The following CYP2C18 variants were observed in gnomAD, a reference collection of about 807,000 sequenced individuals.
CYP2C18 encodes the protein cytochrome P450 family 2 subfamily C member 18.
CYP2C18 carries 38 observed loss-of-function variants against 41.3 expected under a neutral mutation model. The ratio of observed to expected loss-of-function variants is 0.92; its 90% CI spans 0.71 to 1.21. The LOEUF (loss-of-function observed/expected upper bound fraction) is 1.21, where lower values mean the gene tolerates loss of function less well. CYP2C18 is among the 50% of genes most tolerant of loss of function. The probability of loss-of-function intolerance (pLI) is 0.00; values close to 1 mark genes in which losing one functional copy is unlikely to be tolerated. For missense variants in CYP2C18, 635 were observed against 591.4 expected, an observed-to-expected ratio of 1.07 and a Z score of -0.77; for synonymous variants, 236 against 210.0, an observed-to-expected ratio of 1.12 and a Z score of -1.07.
chr10:94,712,982 C>A (rs1847466171), intron 5 of CYP2C18, among the ~76,000 whole-genome samples: 1 of 151,898 alleles, frequency 6.6e-6, no homozygotes. Flanking sequence ...ATTTGTATGT[C>A]TTCTTTTTAG....
At chr10:94,708,268 C>T (rs1847377307) in intron 5 of CYP2C18, among the ~76,000 whole-genome samples, 1 of 152,118 alleles carries the variant, frequency 6.6e-6, no homozygotes, top group African/African-American at 2.4e-5. Context: ...AGGGAAGAAA[C>T]AAATTATTTG....
intron 3 of CYP2C18, among the ~76,000 whole-genome samples, chr10:94,693,177 T>C (rs1356664796): frequency 6.6e-6 from 1 of 151,920 alleles, no homozygotes; most frequent in East Asian, 1.9e-4. Flanking sequence ...AAAAGTGTAA[T>C]CCCCCATATT....
At chr10:94,719,254 T>A (rs1369821851) in intron 5 of CYP2C18, among the ~76,000 whole-genome samples, 1 of 151,926 alleles carries the variant, frequency 6.6e-6, no homozygotes, top group Non-Finnish European at 1.5e-5. Context: ...AGAAAAAAAA[T>A]TAACATGGCT....
chr10:94,724,800 G>A (rs1268600281), intron 7 of CYP2C18, among the ~76,000 whole-genome samples: 1 of 151,412 alleles, frequency 6.6e-6, no homozygotes, highest in African/African-American at 2.4e-5. Context: ...ACATTTCCAA[G>A]TAAGTGTTGA....
chr10:94,717,482 T>G (rs1052352123), intron 5 of CYP2C18, among the ~76,000 whole-genome samples: 1 of 152,210 alleles, frequency 6.6e-6, no homozygotes, highest in African/African-American at 2.4e-5. Context: ...TTGAAAATTC[T>G]TTTCTTTAAG....
At chr10:94,697,910 C>A (rs1847151704) in intron 4 of CYP2C18, among the ~76,000 whole-genome samples, 1 of 152,172 alleles carries the variant, frequency 6.6e-6, no homozygotes, top group Non-Finnish European at 1.5e-5. Context: ...GTAAAGGGAT[C>A]AATTCAACAA....
At chr10:94,732,484 A>G (rs888930692) in intron 7 of CYP2C18, among the ~76,000 whole-genome samples, 1 of 152,208 alleles carries the variant, frequency 6.6e-6, no homozygotes, top group Non-Finnish European at 1.5e-5. Flanking sequence ...TATTTCCAAA[A>G]GAAAATAAAT....
intron 1 of CYP2C18, among the ~76,000 whole-genome samples, chr10:94,686,547 G>A (rs1354345981): frequency 6.6e-6 from 1 of 152,050 alleles, no homozygotes; most frequent in Non-Finnish European, 1.5e-5. Context: ...GTTAGCTGTG[G>A]GCTTGCCACA....
intron 6 of CYP2C18, among the ~76,000 whole-genome samples, chr10:94,722,614 C>T (rs539992133): frequency 6.6e-6 from 1 of 151,948 alleles, no homozygotes; most frequent in Admixed American, 6.6e-5. Flanking sequence ...GAACCAAGAC[C>T]CAAAGAACAT....
At chr10:94,697,711 T>C (rs1255008929) in intron 4 of CYP2C18, among the ~76,000 whole-genome samples, 2 of 152,154 alleles carry the variant, frequency 1.3e-5, no homozygotes, top group African/African-American at 2.4e-5. Context: ...TCAAGATCCA[T>C]CAGTGTGCTG....
At chr10:94,700,001 T>C (rs1400643957) in intron 4 of CYP2C18, among the ~76,000 whole-genome samples, 1 of 152,180 alleles carries the variant, frequency 6.6e-6, no homozygotes, top group Non-Finnish European at 1.5e-5. Context: ...TGGAGGAACA[T>C]TTCTTGCTCA....
chr10:94,696,709 G>C (rs1847123901), intron 4 of CYP2C18, among the ~76,000 whole-genome samples: 1 of 151,984 alleles, frequency 6.6e-6, no homozygotes, highest in South Asian at 2.1e-4. Context: ...TCAAACCCAT[G>C]GCAAAGAAGT....
At position 94,724,463 on chromosome 10, in the gene CYP2C18, A is replaced by G. The variant is rs529793231; in HGVS notation, c.1079A>G (p.Asp360Gly). 6.2e-7 allele frequency: 1 copy of G among 1,613,342 alleles called. No homozygotes were observed. The highest frequency in any genetic ancestry group is 2.2e-5 in the East Asian group (1 of 44,814). ...GTGCACGAGATCCAGAGATACATTG[A>G]CCTCCTCCCCACCAACCTGCCCCAT... is the stretch of plus-strand genomic sequence containing the variant. ...AVVHEIQRYI[D>G]LLPTNLPHAV... Residue 360 changes from aspartate (D) to glycine (G), a missense_variant, in exon 7 of 9, where the codon GAC (aspartate) becomes GGC (glycine). Coordinates refer to ENST00000285979, the MANE Select transcript of CYP2C18 (RefSeq NM_000772.3).
intron 4 of CYP2C18, among the ~76,000 whole-genome samples, chr10:94,698,236 G>A (rs1308061429): frequency 6.6e-6 from 1 of 152,098 alleles, no homozygotes; most frequent in Non-Finnish European, 1.5e-5. Flanking sequence ...TGGAAGTAAA[G>A]CACTCCTCAG....
chr10:94,684,241 A>G (rs1271210422), intron 1 of CYP2C18, among the ~76,000 whole-genome samples: 2 of 152,140 alleles, frequency 1.3e-5, no homozygotes, highest in Non-Finnish European at 2.9e-5. Context: ...TGAAATATAC[A>G]GTACATTAAT....
chr10:94,692,450 G>A (rs1847020458), intron 3 of CYP2C18, among the ~76,000 whole-genome samples: 2 of 152,054 alleles, frequency 1.3e-5, no homozygotes, highest in East Asian at 1.9e-4. Flanking sequence ...TCAGAGAAAT[G>A]CAAATCAAAA....
chr10:94,729,558 A>T (rs1286696841), intron 7 of CYP2C18, among the ~76,000 whole-genome samples: 1 of 152,176 alleles, frequency 6.6e-6, no homozygotes, highest in Non-Finnish European at 1.5e-5. Context: ...AACAAAACAA[A>T]AACAAAAAAA....
chr10:94,689,009 A>G (rs1219959694), intron 3 of CYP2C18, among the ~76,000 whole-genome samples: 1 of 152,126 alleles, frequency 6.6e-6, no homozygotes, highest in Non-Finnish European at 1.5e-5. Context: ...TGTGTCTACA[A>G]TTTCTACCAT....
At chr10:94,717,482 T>C (rs1052352123) in intron 5 of CYP2C18, among the ~76,000 whole-genome samples, 3 of 152,210 alleles carry the variant, frequency 2.0e-5, no homozygotes, top group African/African-American at 7.2e-5. Context: ...TTGAAAATTC[T>C]TTTCTTTAAG....
Sources: gnomAD v4.1 joint callset for allele counts (sites outside exome capture counted in the v4.1 genomes callset) on GRCh38, gnomAD v4.1.1 for gene constraint, MANE v1.5 for transcripts, NCBI Gene and HGNC (gene_info 2026-07-23, HGNC 2026-07-21) for gene names.